SLC4A4: variants seen among roughly 807,000 people sequenced by gnomAD.
SLC4A4 encodes electrogenic sodium bicarbonate cotransporter 1.
In SLC4A4, 27 loss-of-function variants were observed where a neutral mutation model predicts 111.5. The observed-to-expected ratio is 0.24, with a 90% confidence interval of 0.18 to 0.33. The LOEUF is 0.33. Among genes scored for constraint, SLC4A4 ranks in the 10% least tolerant of loss-of-function variants. The pLI is 1.00. For synonymous variants in SLC4A4, 443 were observed against 463.4 expected (o/e 0.96, Z 0.57); for missense variants, 909 against 1,315.5 (o/e 0.69, Z 4.78).
intron 2 of SLC4A4, among the ~76,000 whole-genome samples, chr4:71,169,048 C>T (rs775412740): frequency 5.3e-5 from 8 of 151,834 alleles, no homozygotes; most frequent in South Asian, 4.1e-4. Flanking sequence ...GATGGGGTTT[C>T]GCTCTTGTTG....
chr4:71,187,404 G>A lies in SLC4A4; in HGVS notation c.-2+3G>A, dbSNP rs1417266940. 4 of 152,016 alleles carry A rather than the reference G, an allele frequency of 2.6e-5. No individual in the cohort carries two copies. The highest frequency in any genetic ancestry group is 5.9e-5 in the Non-Finnish European group (4 of 67,986). The allele number at this position is 152,016 out of a possible 1,614,324, so 9.4% of individuals were successfully genotyped here. A position where few individuals can be genotyped will look rare whatever the true frequency, so the allele number is the denominator to read the frequency against. On this transcript the variant is annotated splice_donor_region_variant and intron_variant, in intron 1 of 25. Transcript: ENST00000264485. ...CGACGGAAGCCAGACCCCAGGAGGT[G>A]AGCGCCCGGCCCCGGCAGCTGCCGG...
Position 71,508,648 on chromosome 4 carries a change from A to G in SLC4A4, c.2166+10956A>G, listed in dbSNP as rs548789680. ...CAACAACCCGAAAAAGCCCAGGACC[A>G]GATGGATTCACAGCTGAATTCTACC... On this transcript the variant is annotated intron_variant, in intron 16 of 25. Transcript: ENST00000264485. 3.3e-5 allele frequency among the ~76,000 whole-genome samples: 5 copies of G among 152,314 alleles called. No individual in the cohort carries two copies. In the South Asian group the frequency reaches 1.0e-3, roughly 32 times the overall value.
chr4:71,243,441 A>G (rs1720404207), intron 2 of SLC4A4, among the ~76,000 whole-genome samples: 1 of 152,210 alleles, frequency 6.6e-6, no homozygotes, highest in Non-Finnish European at 1.5e-5. Context: ...GGGCCTGATG[A>G]GAATGAGTAA....
Position 71,091,952 on chromosome 4 carries a change from G to C in SLC4A4, c.-64-778G>C, listed in dbSNP as rs1023977419. 3.3e-5 allele frequency among the ~76,000 whole-genome samples: 5 copies of C among 152,202 alleles called. No homozygotes were observed. In the Middle Eastern group the frequency reaches 0.01, roughly 311 times the overall value. On this transcript the variant is annotated intron_variant, in intron 1 of 26. Coordinates refer to the SLC4A4 transcript ENST00000649996. The stretch of plus-strand genomic sequence containing the variant: ...TGTGTTGGAACTATATTGCCTTACG[G>C]AGTAGTAACATTCTATGTAAGCCAA...
At chr4:71,365,766 A>T (rs534837122) in intron 6 of SLC4A4, among the ~76,000 whole-genome samples, 1 of 152,320 alleles carries the variant, frequency 6.6e-6, no homozygotes, top group Admixed American at 6.5e-5. Flanking sequence ...TAACTATATT[A>T]GTAGTAGAAA....
At chr4:71,090,012 G>C (rs1742331604) in intron 1 of SLC4A4, among the ~76,000 whole-genome samples, 1 of 151,038 alleles carries the variant, frequency 6.6e-6, no homozygotes, top group Non-Finnish European at 1.5e-5. Flanking sequence ...TACAGAGGCA[G>C]GCAGGCCTCC....
chr4:71,434,654 T>A (rs546134011), intron 7 of SLC4A4: 1 of 152,288 alleles, frequency 6.6e-6, no homozygotes, highest in South Asian at 2.1e-4. Context: ...ATGACACAAT[T>A]GTATATTTAG....
chr4:71,292,742 G>A (rs1192217859), intron 3 of SLC4A4, among the ~76,000 whole-genome samples: 1 of 150,922 alleles, frequency 6.6e-6, no homozygotes, highest in Non-Finnish European at 1.5e-5. Context: ...AAAAATGAGA[G>A]GAAAAAAGAT....
At chr4:71,418,658 C>A (rs1301894566) in intron 7 of SLC4A4, among the ~76,000 whole-genome samples, 1 of 152,142 alleles carries the variant, frequency 6.6e-6, no homozygotes, top group Non-Finnish European at 1.5e-5. Flanking sequence ...TTTCCATTAA[C>A]AACAAAACAA....
intron 3 of SLC4A4, among the ~76,000 whole-genome samples, chr4:71,332,961 A>G (rs1253370687): frequency 2.0e-5 from 3 of 152,202 alleles, no homozygotes; most frequent in East Asian, 3.8e-4. Context: ...CAAAACAGCT[A>G]TTGGGAATTC....
intron 2 of SLC4A4, among the ~76,000 whole-genome samples, chr4:71,151,806 A>T (rs1441332071): frequency 1.3e-5 from 2 of 151,674 alleles, no homozygotes; most frequent in Non-Finnish European, 2.9e-5. Flanking sequence ...CATGCCTGTA[A>T]TCCCAGCACT....
chr4:71,189,941 T>C (rs1233370608), intron 1 of SLC4A4, among the ~76,000 whole-genome samples: 1 of 152,172 alleles, frequency 6.6e-6, no homozygotes, highest in Non-Finnish European at 1.5e-5. Flanking sequence ...GATTGCTAAA[T>C]GAAGGAATCA....
chr4:71,466,975 G>C (rs971681364), intron 13 of SLC4A4, among the ~76,000 whole-genome samples: 7 of 135,214 alleles, frequency 5.2e-5, no homozygotes, highest in Admixed American at 4.4e-4. Flanking sequence ...GGGAGAGAGA[G>C]AGAGGTCTGA....
intron 1 of SLC4A4, among the ~76,000 whole-genome samples, chr4:71,208,213 G>A (rs76057839): frequency 0.61 from 92,912 of 151,958 alleles, 33,847 homozygotes; most frequent in Non-Finnish European, 0.82. Context: ...GGCGGATCAC[G>A]AGGTCAGGAG....
chr4:71,134,082 C>T (rs965445489), intron 2 of SLC4A4, among the ~76,000 whole-genome samples: 3 of 151,952 alleles, frequency 2.0e-5, no homozygotes, highest in Admixed American at 6.6e-5. Context: ...CATCTTACCC[C>T]AAAGTTGATT....
At chr4:71,093,865 G>T (rs1450391016) in intron 2 of SLC4A4, among the ~76,000 whole-genome samples, 3 of 152,148 alleles carry the variant, frequency 2.0e-5, no homozygotes, top group Non-Finnish European at 4.4e-5. Flanking sequence ...AAACAAACTG[G>T]AGAGAAGTAA....
intron 2 of SLC4A4, among the ~76,000 whole-genome samples, chr4:71,246,792 T>A (rs1408631367): frequency 6.6e-6 from 1 of 152,098 alleles, no homozygotes; most frequent in African/African-American, 2.4e-5. Context: ...GGAGGACTGG[T>A]ACCATGATAG....
chr4:71,158,537 T>C (rs1416395449), intron 2 of SLC4A4, among the ~76,000 whole-genome samples: 1 of 152,156 alleles, frequency 6.6e-6, no homozygotes, highest in Non-Finnish European at 1.5e-5. Flanking sequence ...ATGGTGACTT[T>C]CCCTCAGCCA....
intron 1 of SLC4A4, among the ~76,000 whole-genome samples, chr4:71,217,133 T>C (rs1346432529): frequency 6.6e-6 from 1 of 151,876 alleles, no homozygotes; most frequent in East Asian, 1.9e-4. Flanking sequence ...GCTTTGACAT[T>C]AAAGTTTTTT....
Sources: gnomAD v4.1 joint callset for allele counts (sites outside exome capture counted in the v4.1 genomes callset) on GRCh38, gnomAD v4.1.1 for gene constraint, MANE v1.5 for transcripts, NCBI Gene and HGNC (gene_info 2026-07-23, HGNC 2026-07-21) for gene names.